Variants in NUDCD3 observed in about 807,000 individuals in gnomAD.
NUDCD3 encodes the protein nudC domain-containing protein 3.
A neutral mutation model predicts 39.7 loss-of-function variants in NUDCD3; 13 were observed. That is an observed-to-expected ratio of 0.33 (90% CI 0.21 to 0.52). The LOEUF is 0.52. NUDCD3 is among the 20% of genes least tolerant of loss of function. The pLI is 0.96. For missense variants in NUDCD3, 453 were observed against 458.1 expected, an observed-to-expected ratio of 0.99 and a Z score of 0.10; for synonymous variants, 175 against 172.4, an observed-to-expected ratio of 1.02 and a Z score of -0.12.
intron 2 of NUDCD3, among the ~76,000 whole-genome samples, chr7:44,432,036 G>A (rs979278372): frequency 2.0e-5 from 3 of 152,092 alleles, no homozygotes; most frequent in Admixed American, 6.5e-5. Context: ...CAATCTCAGC[G>A]ATTTGGGAGG....
intron 5 of NUDCD3, among the ~76,000 whole-genome samples, chr7:44,388,441 GCACACACCTACC>G (rs1798442864): frequency 6.6e-6 from 1 of 152,176 alleles, no homozygotes; most frequent in Non-Finnish European, 1.5e-5. Flanking sequence ...CCACATGAGG[GCACACACCTACC>G]TTCTAGGTGT....
At chr7:44,430,729 T>C (rs1175745052) in intron 2 of NUDCD3, among the ~76,000 whole-genome samples, 8 of 152,126 alleles carry the variant, frequency 5.3e-5, no homozygotes. Flanking sequence ...GGGGATATCC[T>C]TGGGGACGCT....
chr7:44,465,685 C>T (rs1438775667), intron 2 of NUDCD3, among the ~76,000 whole-genome samples: 4 of 152,152 alleles, frequency 2.6e-5, no homozygotes, highest in African/African-American at 9.7e-5. Context: ...ACAGCAGCCA[C>T]TTAGGGTAGA....
chr7:44,423,301 G>A (rs575125906), intron 3 of NUDCD3, among the ~76,000 whole-genome samples: 32 of 152,162 alleles, frequency 2.1e-4, no homozygotes, highest in South Asian at 1.2e-3. Flanking sequence ...GGGCAATCAG[G>A]CAAGAGAAAG....
At position 44,490,393 on chromosome 7, in the gene NUDCD3, G is replaced by C. The variant is rs1800711586; in HGVS notation, c.192+16C>G. On this transcript the variant is annotated intron_variant, in intron 1 of 5. Coordinates refer to ENST00000355451, the MANE Select transcript of NUDCD3 (RefSeq NM_015332.4). ...GGGGGCGGCGGCTCCCCAGACCGCAGGCCCGCCCGCCTCACCTGCAGCACC... is the reference window on the plus strand; with the variant it reads ...GGGGGCGGCGGCTCCCCAGACCGCACGCCCGCCCGCCTCACCTGCAGCACC... 1 of 1,531,748 alleles carries C rather than the reference G, an allele frequency of 6.5e-7. No homozygotes were observed. The highest frequency in any genetic ancestry group is 8.8e-7 in the Non-Finnish European group (1 of 1,140,994). 94.9% of individuals were successfully genotyped at this position (1,531,748 alleles called of 1,614,324 possible). A position where few individuals can be genotyped will look rare whatever the true frequency, so the allele number is the denominator to read the frequency against.
In NUDCD3 at chr7:44,386,068, T is replaced by G; in HGVS notation, c.1029A>C (p.Arg343=). The part of the protein sequence containing the change: ...KGWDAEGSPF[R]GQRFDPAMFN... ...ACATGGCAGGGTCGAATCGCTGGCC[T>G]CGGAAGGGAGAACCTTCAGCATCCC... The change falls in exon 6 of 6, where the codon CGA becomes CGC. Residue 343 remains arginine, a synonymous_variant. Transcript: ENST00000355451. 6.2e-7 allele frequency: 1 copy of G among 1,613,622 alleles called. No homozygotes were observed. The highest frequency in any genetic ancestry group is 1.3e-5 in the African/African-American group (1 of 75,022).
chr7:44,427,321 C>G (rs1799255266), intron 3 of NUDCD3, among the ~76,000 whole-genome samples: 1 of 152,176 alleles, frequency 6.6e-6, no homozygotes, highest in South Asian at 2.1e-4. Context: ...GCTTCTCTCT[C>G]AGGAAGCAGT....
At chr7:44,489,737 A>C (rs1800693021) in intron 1 of NUDCD3, 4 of 152,164 alleles carry the variant, frequency 2.6e-5, no homozygotes, top group Admixed American at 2.6e-4. Flanking sequence ...TGTCACAAGG[A>C]GAGAGAAACC....
chr7:44,406,817 A>C (rs1194589983), intron 3 of NUDCD3, among the ~76,000 whole-genome samples: 1 of 152,170 alleles, frequency 6.6e-6, no homozygotes, highest in Non-Finnish European at 1.5e-5. Context: ...GATGTCAACA[A>C]ATCTGCAGAA....
At chr7:44,431,451 G>A (rs1352349103) in intron 2 of NUDCD3, among the ~76,000 whole-genome samples, 1 of 152,162 alleles carries the variant, frequency 6.6e-6, no homozygotes, top group Non-Finnish European at 1.5e-5. Flanking sequence ...CAGACTGCAG[G>A]CCTAGGCGCT....
intron 5 of NUDCD3, 112 bp downstream of exon 5, chr7:44,392,185 G>T: frequency 9.9e-7 from 1 of 1,012,924 alleles, no homozygotes; most frequent in Non-Finnish European, 1.5e-6. Flanking sequence ...GCAGGAAGCT[G>T]GTCCACACAA....
intron 5 of NUDCD3, among the ~76,000 whole-genome samples, chr7:44,389,691 G>C (rs7806467): frequency 0.13 from 19,557 of 152,210 alleles, 1,666 homozygotes; most frequent in Non-Finnish European, 0.19. Flanking sequence ...ATCTGTGTCT[G>C]TCTTCCTCAC....
intron 2 of NUDCD3, among the ~76,000 whole-genome samples, chr7:44,440,413 A>G (rs1799555212): frequency 6.6e-6 from 1 of 151,562 alleles, no homozygotes; most frequent in Non-Finnish European, 1.5e-5. Flanking sequence ...TGACGAGAAC[A>G]TAATGCCTAA....
intron 5 of NUDCD3, among the ~76,000 whole-genome samples, chr7:44,389,234 C>T (rs1563162462): frequency 6.6e-6 from 1 of 151,818 alleles, no homozygotes; most frequent in Non-Finnish European, 1.5e-5. Context: ...CCATCTTTCA[C>T]CCCTTGAGGT....
At chr7:44,464,274 C>T (rs1360313417) in intron 2 of NUDCD3, among the ~76,000 whole-genome samples, 1 of 151,784 alleles carries the variant, frequency 6.6e-6, no homozygotes, top group East Asian at 1.9e-4. Flanking sequence ...TTAACTTCCT[C>T]CAAATAACAG....
intron 4 of NUDCD3, among the ~76,000 whole-genome samples, chr7:44,403,912 G>T (rs1011755084): frequency 6.1e-4 from 93 of 152,320 alleles, no homozygotes; most frequent in South Asian, 2.1e-4. Flanking sequence ...CACTGACAAG[G>T]TTCAAAGCTT....
intron 4 of NUDCD3, among the ~76,000 whole-genome samples, chr7:44,400,097 G>A (rs912056051): frequency 6.6e-6 from 1 of 152,184 alleles, no homozygotes; most frequent in Non-Finnish European, 1.5e-5. Flanking sequence ...CAGCTCCCCC[G>A]ACTGCAGGAA....
In NUDCD3 at chr7:44,382,569, C is replaced by T. The variant is rs1286263891; in HGVS notation, c.*3442G>A. On this transcript the variant is annotated 3_prime_UTR_variant, in exon 6 of 6. Coordinates refer to ENST00000355451, the MANE Select transcript of NUDCD3 (RefSeq NM_015332.4). ...GTTTAAATGCCTGTTCCCCAGACCC[C>T]ACAGTCAGACGGTAGAGAGGAGCCT... is the stretch of plus-strand genomic sequence containing the variant. 1 of 152,294 alleles carries T rather than the reference C, an allele frequency of 6.6e-6. No individual in the cohort carries two copies. Among genetic ancestry groups the T allele is most frequent in the Non-Finnish European group, 1.5e-5 (1 of 68,120 alleles). The allele number at this position is 152,294 out of a possible 1,614,324, so 9.4% of individuals were successfully genotyped here.
Position 44,384,107 on chromosome 7 carries a change from C to T in NUDCD3, c.*1904G>A, listed in dbSNP as rs1357307031. 1 of 152,176 alleles carries T rather than the reference C, an allele frequency of 6.6e-6. No individual in the cohort carries two copies. The highest frequency in any genetic ancestry group is 1.5e-5 in the Non-Finnish European group (1 of 68,042). 9.4% of individuals were successfully genotyped at this position (152,176 alleles called of 1,614,324 possible). ...GGAAGTGAATGACTCTCAAAGTCTC[C>T]CAAATAACAAGGTGTAGGGCATCTC... is the stretch of plus-strand genomic sequence containing the variant. On this transcript the variant is annotated 3_prime_UTR_variant, in exon 6 of 6. Coordinates refer to ENST00000355451, the MANE Select transcript of NUDCD3 (RefSeq NM_015332.4).
Sources: gnomAD v4.1 joint callset for allele counts (sites outside exome capture counted in the v4.1 genomes callset) on GRCh38, gnomAD v4.1.1 for gene constraint, MANE v1.5 for transcripts, NCBI Gene and HGNC (gene_info 2026-07-23, HGNC 2026-07-21) for gene names.